LAMA5: variants seen among roughly 807,000 people sequenced by gnomAD.
LAMA5 encodes the protein laminin subunit alpha 5, also known as laminin subunit alpha-5.
A neutral mutation model predicts 433.4 loss-of-function variants in LAMA5; 260 were observed. The ratio of observed to expected loss-of-function variants is 0.60; its 90% confidence interval spans 0.54 to 0.66. The LOEUF (loss-of-function observed/expected upper bound fraction) is 0.66, where lower values mean the gene tolerates loss of function less well. Among genes scored for constraint, LAMA5 ranks in the 30% least tolerant of loss-of-function variants. The pLI is 0.00. For synonymous variants in LAMA5, 2,620 were observed against 2,226.6 expected, an observed-to-expected ratio of 1.18 and a Z score of -4.97; for missense variants, 5,378 against 5,258.5, an observed-to-expected ratio of 1.02 and a Z score of -0.70.
intron 16 of LAMA5, among the ~76,000 whole-genome samples, chr20:62,337,303 C>G (rs1981819378): frequency 6.6e-6 from 1 of 152,186 alleles, no homozygotes; most frequent in South Asian, 2.1e-4. Flanking sequence ...TTAGGTGACA[C>G]ACACACCCAC....
chr20:62,329,177 T>C lies in LAMA5; in HGVS notation c.4196A>G (p.Asp1399Gly), dbSNP rs1376914106. The C allele has an allele frequency of 1.2e-6, 2 of 1,612,662 alleles. No individual in the cohort carries two copies. Among genetic ancestry groups the C allele is most frequent in the African/African-American group, 2.7e-5 (2 of 74,902 alleles). The change falls in exon 33 of 80, where the codon GAC becomes GGC. Residue 1399 changes from aspartate (D) to glycine (G), a missense_variant. Physicochemically the swap from Asp to Gly is moderately conservative, Grantham distance 94. Transcript: ENST00000252999. ...LREEPLDKSY[D>G]FISHCAAQGY... Reference sequence around the variant, plus strand: ...CTGGGCTGCGCAGTGGCTGATGAAGTCATAGGATTTATCCAGGGGCTCCTC... The same window carrying C: ...CTGGGCTGCGCAGTGGCTGATGAAGCCATAGGATTTATCCAGGGGCTCCTC...
Position 62,328,393 on chromosome 20 carries a change from G to A in LAMA5, c.4500C>T (p.Cys1500=), listed in dbSNP as rs1315195361. The A allele has an allele frequency of 2.1e-5, 32 of 1,555,752 alleles. No homozygotes were observed. Among genetic ancestry groups the A allele is most frequent in the Non-Finnish European group, 2.8e-5 (32 of 1,149,384 alleles). Residue 1500 remains cysteine (C), a synonymous_variant, in exon 35 of 80, where the codon TGC becomes TGT. Transcript: ENST00000252999. ...LCDELTGQCI[C]PPRTIPPDCL... is the part of the protein sequence containing the mutation. ...AGTCGGGCGGGATGGTGCGTGGCGG[G>A]CAGATGCACTGGCCCGTGAGCTCGT...
chr20:62,334,638 G>T lies in LAMA5; in HGVS notation c.2483-17C>A. 6.5e-7 allele frequency: 1 copy of T among 1,540,066 alleles called. No homozygotes were observed. The highest frequency in any genetic ancestry group is 8.7e-7 in the Non-Finnish European group (1 of 1,144,106). On this transcript the variant is annotated splice_polypyrimidine_tract_variant and intron_variant, in intron 20 of 79. Coordinates refer to ENST00000252999, the MANE Select transcript of LAMA5 (RefSeq NM_005560.6). ...ACCGGCAGCCTGCAGGGAGAAGGTG[G>T]GAGGTCAGAGGCTGCCTGGCCCCCA... is the stretch of plus-strand genomic sequence containing the variant.
intron 28 of LAMA5, among the ~76,000 whole-genome samples, chr20:62,331,946 G>T (rs1658598957): frequency 2.0e-5 from 3 of 152,252 alleles, no homozygotes; most frequent in South Asian, 4.1e-4. Context: ...CAGGTACTTG[G>T]GAGACTGAGG....
intron 46 of LAMA5, 69 bp from the exon 47 acceptor site, chr20:62,322,518 G>A: frequency 6.7e-7 from 1 of 1,497,898 alleles, no homozygotes; most frequent in Non-Finnish European, 9.0e-7. Flanking sequence ...GGAAGCCAGG[G>A]GTCCTGCCCA....
At chr20:62,326,032 C>T (rs1160850175) in intron 40 of LAMA5, among the ~76,000 whole-genome samples, 1 of 151,934 alleles carries the variant, frequency 6.6e-6, no homozygotes, top group Non-Finnish European at 1.5e-5. Flanking sequence ...ACCAGCCTGG[C>T]CAACACGGCG....
chr20:62,346,561 C>A lies in LAMA5; in HGVS notation c.1227G>T (p.Leu409=). 6.4e-7 allele frequency: 1 copy of A among 1,569,344 alleles called. No homozygotes were observed. The highest frequency in any genetic ancestry group is 8.6e-7 in the Non-Finnish European group (1 of 1,157,286). The part of the protein sequence containing the change: ...HTTGVNCERC[L]PGFYRSPNHP... ...GGTTGGGAGAGCGGTAGAAGCCGGGCAGGCAGCGCTCACAGTTGACGCCGG... is the reference window on the plus strand; with the variant it reads ...GGTTGGGAGAGCGGTAGAAGCCGGGAAGGCAGCGCTCACAGTTGACGCCGG... Residue 409 remains leucine (L), a synonymous_variant, in exon 9 of 80, where the codon CTG becomes CTT. Coordinates refer to ENST00000252999, the MANE Select transcript of LAMA5 (RefSeq NM_005560.6).
At position 62,327,392 on chromosome 20, in the gene LAMA5, C is replaced by T. The variant is rs1979490854; in HGVS notation, c.4953G>A (p.Glu1651=). The T allele has an allele frequency of 1.9e-6, 3 of 1,589,110 alleles. No homozygotes were observed. The highest frequency in any genetic ancestry group is 1.7e-5 in the Admixed American group (1 of 58,208). The change falls in exon 38 of 80, where the codon GAG becomes GAA. Residue 1651 remains glutamate (E), a synonymous_variant. Coordinates refer to ENST00000252999, the MANE Select transcript of LAMA5 (RefSeq NM_005560.6). ...SYTRQEFVDM[E]GWVLLSTDRQ... ...GGTCAGTGCTCAGCAGCACCCATCCCTCCATATCCACGAACTGTGGGCACA... is the reference window on the plus strand; with the variant it reads ...GGTCAGTGCTCAGCAGCACCCATCCTTCCATATCCACGAACTGTGGGCACA...
chr20:62,354,875 C>A lies in LAMA5; in HGVS notation c.451-1624G>T, dbSNP rs532289522. On this transcript the variant is annotated intron_variant, in intron 2 of 79. Transcript: ENST00000252999. ...CCCCTCTCAAACAAAGGGGAAAGGGCTCTCCCAGGCAGAGGCTCCACAGGG... is the reference window on the plus strand; with the variant it reads ...CCCCTCTCAAACAAAGGGGAAAGGGATCTCCCAGGCAGAGGCTCCACAGGG... Among the ~76,000 whole-genome samples, 9 of 152,334 alleles carry A rather than the reference C, an allele frequency of 5.9e-5. No homozygotes were observed. The South Asian group carries it at 1.7e-3, about 28-fold the overall frequency.
chr20:62,338,130 C>T lies in LAMA5; in HGVS notation c.1777G>A (p.Gly593Arg), dbSNP rs777929587. The T allele has an allele frequency of 2.5e-5, 40 of 1,588,136 alleles. No individual in the cohort carries two copies. Among genetic ancestry groups the T allele is most frequent in the Non-Finnish European group, 3.4e-5 (40 of 1,166,446 alleles). ...TCATCGCAGCCCTCGGGCAAGGTTC[C>T]TGCAGGGCTGCAGCCACACACTGCA... ...LCQLCGCSPA[G>R]TLPEGCDEAG... Residue 593 changes from glycine to arginine, a missense_variant, in exon 14 of 80, where the codon GGA (glycine) becomes AGA (arginine). By Grantham distance (125) the Gly-to-Arg change is moderately radical (BLOSUM62 -2). Coordinates refer to ENST00000252999, the MANE Select transcript of LAMA5 (RefSeq NM_005560.6).
intron 28 of LAMA5, 133 bp downstream of exon 28, chr20:62,332,239 T>TGCTGG: frequency 1.5e-6 from 1 of 655,604 alleles, no homozygotes; most frequent in Non-Finnish European, 2.7e-6. Flanking sequence ...AGAAGAAACA[T>TGCTGG]GCTGGGCTGG....
In LAMA5 at chr20:62,323,413, C is replaced by T. The variant is rs770472743; in HGVS notation, c.6064+43G>A. The T allele has an allele frequency of 1.6e-5, 23 of 1,450,414 alleles. No individual in the cohort carries two copies. In the East Asian group the frequency reaches 2.5e-4, roughly 16 times the overall value. The allele number at this position is 1,450,414 out of a possible 1,614,324, so 89.8% of individuals were successfully genotyped here. ...GCCCAGCAGGCCTCCCTCCTCCCCG[C>T]GCAACCCTCCCCAGGGTGCATCCCT... is the stretch of plus-strand genomic sequence containing the variant. On this transcript the variant is annotated intron_variant, in intron 45 of 79. Coordinates refer to ENST00000252999, the MANE Select transcript of LAMA5 (RefSeq NM_005560.6).
chr20:62,363,994 T>C (rs1473628696), intron 1 of LAMA5, among the ~76,000 whole-genome samples: 1 of 152,184 alleles, frequency 6.6e-6, no homozygotes. Flanking sequence ...TTTCCTTTAC[T>C]GCATGTATGA....
chr20:62,313,078 C>T lies in LAMA5; in HGVS notation c.8955+10G>A, dbSNP rs780259159. On this transcript the variant is annotated intron_variant, in intron 65 of 79. Coordinates refer to ENST00000252999, the MANE Select transcript of LAMA5 (RefSeq NM_005560.6). ...AAGTGGGGATGGCAGGACGGGTGTG[C>T]CTGGCGCACCTGCTGCTTCAGGAAG... 2 of 1,607,930 alleles carry T rather than the reference C, an allele frequency of 1.2e-6. No individual in the cohort carries two copies. Among genetic ancestry groups the T allele is most frequent in the East Asian group, 4.5e-5 (2 of 44,842 alleles).
chr20:62,321,701 A>T, intron 48 of LAMA5, among the ~76,000 whole-genome samples: 1 of 42,554 alleles, frequency 2.3e-5, no homozygotes, highest in African/African-American at 9.0e-5. Flanking sequence ...TCAGTGGGGG[A>T]GGCAGGGCCA....
At chr20:62,358,535 G>C (rs1167524614) in intron 2 of LAMA5, among the ~76,000 whole-genome samples, 1 of 152,196 alleles carries the variant, frequency 6.6e-6, no homozygotes, top group Non-Finnish European at 1.5e-5. Context: ...TGGACCAGTA[G>C]GCCTGCCCAG....
At chr20:62,345,152 G>T (rs1199669311) in intron 11 of LAMA5, among the ~76,000 whole-genome samples, 1 of 151,914 alleles carries the variant, frequency 6.6e-6, no homozygotes, top group Non-Finnish European at 1.5e-5. Context: ...TGAGTAGCTG[G>T]GATTACAGGT....
At position 62,325,333 on chromosome 20, in the gene LAMA5, G is replaced by A. The variant is rs200449284; in HGVS notation, c.5512C>T (p.Arg1838Trp). The A allele has an allele frequency of 1.1e-4, 168 of 1,590,678 alleles. No homozygotes were observed. Among genetic ancestry groups the A allele is most frequent in the Non-Finnish European group, 1.3e-4 (149 of 1,166,056 alleles). Residue 1838 changes from arginine to tryptophan, a missense_variant, in exon 41 of 80, where the codon CGG becomes TGG. Coordinates refer to ENST00000252999, the MANE Select transcript of LAMA5 (RefSeq NM_005560.6). The stretch of plus-strand genomic sequence containing the variant: ...AACCTCACCTGGCATGAGTCCCCCC[G>A]GTAGCTGGCGGGGCACAGGCACAGC... Reference protein sequence around the residue: ...VELCLCPASYRGDSCQECAPG... With the variant: ...VELCLCPASYWGDSCQECAPG...
chr20:62,328,471 G>T lies in LAMA5; in HGVS notation c.4448-26C>A, dbSNP rs1272506271. On this transcript the variant is annotated intron_variant, in intron 34 of 79. Transcript: ENST00000252999. ...CTGTGGGGCGGGTACAGGGTTTACT[G>T]ACCCCTCTTCCCAGTCCCGCCCCTC... is the stretch of plus-strand genomic sequence containing the variant. 3 of 1,466,028 alleles carry T rather than the reference G, an allele frequency of 2.0e-6. No homozygotes were observed. In the African/African-American group the frequency reaches 4.2e-5, roughly 21 times the overall value. The allele number at this position is 1,466,028 out of a possible 1,614,324, so 90.8% of individuals were successfully genotyped here.
Sources: gnomAD v4.1 joint callset for allele counts (sites outside exome capture counted in the v4.1 genomes callset) on GRCh38, gnomAD v4.1.1 for gene constraint, MANE v1.5 for transcripts, NCBI Gene and HGNC (gene_info 2026-07-23, HGNC 2026-07-21) for gene names.